The following SLC25A21 variants were observed in gnomAD, a reference collection of about 807,000 sequenced individuals.
SLC25A21 encodes the protein mitochondrial 2-oxodicarboxylate carrier.
SLC25A21 carries 47 observed loss-of-function variants against 43.8 expected under a neutral mutation model. The ratio of observed to expected loss-of-function variants is 1.07; its 90% CI spans 0.85 to 1.37. The LOEUF (loss-of-function observed/expected upper bound fraction) is 1.37. Among genes scored for constraint, SLC25A21 ranks in the 40% most tolerant of loss-of-function variants. The probability of loss-of-function intolerance (pLI) is 0.00; values close to 1 mark genes in which losing one functional copy is unlikely to be tolerated. For synonymous variants in SLC25A21, 131 were observed against 121.3 expected (o/e 1.08, Z -0.52); for missense variants, 352 against 350.2 (o/e 1.00, Z -0.04).
chr14:36,989,791 C>T (rs1960224587), intron 1 of SLC25A21, among the ~76,000 whole-genome samples: 1 of 151,980 alleles, frequency 6.6e-6, no homozygotes, highest in African/African-American at 2.4e-5. Flanking sequence ...CAGTTCCTTC[C>T]CTCAGTATTT....
At chr14:37,160,325 TG>T (rs1468520837) in intron 1 of SLC25A21, among the ~76,000 whole-genome samples, 1 of 152,120 alleles carries the variant, frequency 6.6e-6, no homozygotes, top group Non-Finnish European at 1.5e-5. Context: ...AAAGTGCCCA[TG>T]AAAAGATGAC....
intron 1 of SLC25A21, among the ~76,000 whole-genome samples, chr14:37,166,592 C>G (rs539759250): frequency 3.3e-5 from 5 of 152,332 alleles, no homozygotes; most frequent in African/African-American, 9.6e-5. Flanking sequence ...AAGCTTAGAA[C>G]TGGATCCGGC....
intron 1 of SLC25A21, among the ~76,000 whole-genome samples, chr14:37,134,026 G>A (rs145933460): frequency 1.2e-4 from 19 of 152,208 alleles, no homozygotes; most frequent in African/African-American, 4.3e-4. Context: ...TTTTTGCTCA[G>A]TGAAGACCTG....
chr14:36,841,631 T>C (rs1467771387), intron 2 of SLC25A21, among the ~76,000 whole-genome samples: 1 of 152,240 alleles, frequency 6.6e-6, no homozygotes, highest in Non-Finnish European at 1.5e-5. Context: ...CTCCAGCCTC[T>C]TGACTTACTC....
chr14:36,879,179 G>A (rs992340050), intron 1 of SLC25A21, among the ~76,000 whole-genome samples: 1 of 151,930 alleles, frequency 6.6e-6, no homozygotes, highest in African/African-American at 2.4e-5. Flanking sequence ...TTCATTTTGG[G>A]AATAAAAAGC....
chr14:36,758,293 G>A (rs1441001527), intron 3 of SLC25A21, among the ~76,000 whole-genome samples: 2 of 152,138 alleles, frequency 1.3e-5, no homozygotes, highest in Non-Finnish European at 2.9e-5. Flanking sequence ...TACTGCTAGG[G>A]CTTCAAGTGG....
chr14:36,912,163 C>T (rs1298542769), intron 1 of SLC25A21, among the ~76,000 whole-genome samples: 2 of 152,166 alleles, frequency 1.3e-5, no homozygotes, highest in Non-Finnish European at 2.9e-5. Context: ...GGATCTATTT[C>T]ATTAACTTTG....
At chr14:37,042,049 G>C (rs1961484551) in intron 1 of SLC25A21, among the ~76,000 whole-genome samples, 1 of 152,182 alleles carries the variant, frequency 6.6e-6, no homozygotes, top group Non-Finnish European at 1.5e-5. Context: ...TGCTTCCCGT[G>C]TAAGTTTTTT....
intron 7 of SLC25A21, among the ~76,000 whole-genome samples, chr14:36,704,010 T>C (rs1883391045): frequency 6.6e-6 from 1 of 152,208 alleles, no homozygotes; most frequent in Non-Finnish European, 1.5e-5. Flanking sequence ...TGTAAATGAA[T>C]GCCTCCATTA....
chr14:37,001,051 C>G (rs890154367), intron 1 of SLC25A21, among the ~76,000 whole-genome samples: 1 of 152,182 alleles, frequency 6.6e-6, no homozygotes, highest in African/African-American at 2.4e-5. Context: ...CACTGTGAAT[C>G]ACTCCATCCT....
intron 9 of SLC25A21, among the ~76,000 whole-genome samples, chr14:36,681,451 C>T (rs1882254630): frequency 6.6e-6 from 1 of 152,176 alleles, no homozygotes; most frequent in South Asian, 2.1e-4. Flanking sequence ...GAAAAGCAGG[C>T]ACTGAGGCTG....
rs144576158 is a variant in SLC25A21 at position 37,063,046 on chromosome 14, T to C, written c.70+109235A>G. ...CTTCACAGGGCAGCAGGAGAGAGAA[T>C]GAGTGCCCAGCAAAGGGGGAAGCCC... On this transcript the variant is annotated intron_variant, in intron 1 of 9. Coordinates refer to ENST00000331299, the MANE Select transcript of SLC25A21 (RefSeq NM_030631.4). Among the ~76,000 whole-genome samples the C allele has an allele frequency of 1.6e-4, 24 of 152,220 alleles. No homozygotes were observed. In the East Asian group the frequency reaches 4.3e-3, roughly 27 times the overall value.
At chr14:36,694,942 C>T (rs1469262800) in intron 7 of SLC25A21, among the ~76,000 whole-genome samples, 5 of 152,124 alleles carry the variant, frequency 3.3e-5, no homozygotes, top group African/African-American at 4.8e-5. Context: ...TTTGGCTTTT[C>T]TTGCCATTGC....
intron 3 of SLC25A21, among the ~76,000 whole-genome samples, chr14:36,786,499 G>C (rs1156951002): frequency 1.3e-5 from 2 of 152,178 alleles, no homozygotes; most frequent in Non-Finnish European, 2.9e-5. Context: ...AACTAGTCAG[G>C]AGATTTGCTG....
intron 1 of SLC25A21, among the ~76,000 whole-genome samples, chr14:37,078,708 C>T (rs970266106): frequency 7.9e-5 from 12 of 152,122 alleles, no homozygotes; most frequent in African/African-American, 1.9e-4. Context: ...GTGGTATAAA[C>T]GGGAAAAGAA....
At chr14:36,926,377 T>C (rs767978834) in intron 1 of SLC25A21, among the ~76,000 whole-genome samples, 22 of 151,674 alleles carry the variant, frequency 1.5e-4, no homozygotes, top group Non-Finnish European at 2.4e-4. Flanking sequence ...TTTAGACAGG[T>C]CACAAGAAAC....
intron 7 of SLC25A21, among the ~76,000 whole-genome samples, chr14:36,698,807 C>A (rs1056546112): frequency 6.6e-6 from 1 of 152,138 alleles, no homozygotes; most frequent in African/African-American, 2.4e-5. Context: ...TTCTAGTTAG[C>A]CATTCGTCTA....
intron 3 of SLC25A21, among the ~76,000 whole-genome samples, chr14:36,797,278 A>AT (rs1331958055): frequency 6.6e-6 from 1 of 152,192 alleles, no homozygotes; most frequent in Non-Finnish European, 1.5e-5. Flanking sequence ...GAAAGATCAG[A>AT]TTTTTTAAGA....
intron 1 of SLC25A21, among the ~76,000 whole-genome samples, chr14:37,091,216 T>C (rs1175679768): frequency 6.6e-6 from 1 of 151,966 alleles, no homozygotes; most frequent in African/African-American, 2.4e-5. Context: ...AGGTGGATCA[T>C]GAGGTCAGGA....
Sources: allele counts gnomAD v4.1 joint callset (sites outside exome capture counted in the v4.1 genomes callset), GRCh38; gene constraint gnomAD v4.1.1; transcripts MANE v1.5; gene names NCBI Gene and HGNC (gene_info 2026-07-23, HGNC 2026-07-21).